The following SSH2 variants were observed in gnomAD, a reference collection of about 807,000 sequenced individuals.
SSH2 encodes protein phosphatase Slingshot homolog 2.
SSH2 carries 37 observed loss-of-function variants against 135.2 expected under a neutral mutation model. That is an observed-to-expected ratio of 0.27 (90% CI 0.21 to 0.36). The LOEUF (loss-of-function observed/expected upper bound fraction) is 0.36. SSH2 is among the 10% of genes least tolerant of loss of function. The pLI, the probability that SSH2 is intolerant of heterozygous loss-of-function variation, is 1.00. For missense variants in SSH2, 1,408 were observed against 1,765.3 expected (o/e 0.80, Z 3.63); for synonymous variants, 628 against 646.2 (o/e 0.97, Z 0.43).
chr17:29,897,647 A>G (rs1260381897), intron 1 of SSH2, among the ~76,000 whole-genome samples: 1 of 152,214 alleles, frequency 6.6e-6, no homozygotes, highest in Admixed American at 6.5e-5. Flanking sequence ...AGAGACCTAC[A>G]AAGAGACTTA....
In SSH2 at chr17:29,742,328, T is replaced by C. The variant is rs1369246816; in HGVS notation, c.189-39266A>G. Among the ~76,000 whole-genome samples the C allele has an allele frequency of 2.7e-5, 4 of 150,580 alleles. No individual in the cohort carries two copies. The East Asian group carries it at 5.8e-4, about 22-fold the overall frequency. The stretch of plus-strand genomic sequence containing the variant: ...CCCAGGGCAAGTTCTTCTTTTTTTT[T>C]TTTTTTTTGAGACAGGTTCTTGCTC... On this transcript the variant is annotated intron_variant, in intron 3 of 15. Transcript: ENST00000540801.
intron 3 of SSH2, among the ~76,000 whole-genome samples, chr17:29,704,259 G>A (rs912569890): frequency 1.3e-5 from 2 of 152,258 alleles, no homozygotes; most frequent in East Asian, 1.9e-4. Flanking sequence ...ACAGTAAAAT[G>A]TTACCTCAAA....
At chr17:29,709,633 C>T (rs572183040) in intron 3 of SSH2, among the ~76,000 whole-genome samples, 8 of 152,136 alleles carry the variant, frequency 5.3e-5, no homozygotes, top group East Asian at 1.9e-4. Context: ...GCTGAGATCA[C>T]GCCACTGCAC....
At chr17:29,798,262 G>A (rs1014474172) in intron 2 of SSH2, among the ~76,000 whole-genome samples, 1 of 151,460 alleles carries the variant, frequency 6.6e-6, no homozygotes, top group Non-Finnish European at 1.5e-5. Context: ...GGGTTCAAGC[G>A]ATTCTCCTGC....
intron 3 of SSH2, among the ~76,000 whole-genome samples, chr17:29,738,198 A>T (rs2040434551): frequency 6.6e-6 from 1 of 152,042 alleles, no homozygotes; most frequent in Non-Finnish European, 1.5e-5. Context: ...TGTCCTTGTG[A>T]TAGTTTGCTC....
chr17:29,761,835 A>G (rs2041317135), intron 3 of SSH2, among the ~76,000 whole-genome samples: 1 of 135,428 alleles, frequency 7.4e-6, no homozygotes, highest in Admixed American at 7.3e-5. Context: ...GATTACACTC[A>G]CATACATATG....
intron 1 of SSH2, among the ~76,000 whole-genome samples, chr17:29,922,119 A>G (rs1366833259): frequency 2.5e-4 from 38 of 152,126 alleles, no homozygotes; most frequent in Non-Finnish European, 7.4e-5. Flanking sequence ...GAGATGAGGG[A>G]AAAGTGTTCC....
intron 3 of SSH2, among the ~76,000 whole-genome samples, chr17:29,724,957 T>C (rs982700791): frequency 6.6e-6 from 1 of 151,982 alleles, no homozygotes; most frequent in Non-Finnish European, 1.5e-5. Flanking sequence ...TTTTCAAGAA[T>C]ACATCACAGA....
intron 3 of SSH2, among the ~76,000 whole-genome samples, chr17:29,779,095 T>C (rs749448730): frequency 6.6e-6 from 1 of 151,898 alleles, no homozygotes; most frequent in Non-Finnish European, 1.5e-5. Flanking sequence ...CTAATTTTTT[T>C]TCTAACGGAA....
chr17:29,926,387 A>T lies in SSH2; in HGVS notation c.63+3551T>A, dbSNP rs192327734. ...AACCCCATCTCTACAAAAAAAAAAA[A>T]AATACAAAATACAAAAATTAGCCAG... On this transcript the variant is annotated intron_variant, in intron 1 of 15. Transcript: ENST00000540801. Among the ~76,000 whole-genome samples the T allele has an allele frequency of 3.7e-3, 565 of 151,812 alleles. 12 individuals are homozygous for T. Among genetic ancestry groups the T allele is most frequent in the Admixed American group, 0.03 (464 of 15,222 alleles).
intron 2 of SSH2, among the ~76,000 whole-genome samples, chr17:29,814,268 T>C (rs973620372): frequency 9.1e-5 from 13 of 142,914 alleles, no homozygotes; most frequent in Non-Finnish European, 1.7e-4. Context: ...ACCCCGTCTC[T>C]ACTAAAAATA....
chr17:29,735,245 CCACTACTACCCCT>C (rs2040326528), intron 3 of SSH2, among the ~76,000 whole-genome samples: 1 of 152,146 alleles, frequency 6.6e-6, no homozygotes, highest in South Asian at 2.1e-4. Flanking sequence ...CATAGCCTCC[CCACTACTACCCCT>C]CACTTTTTAA....
In SSH2 at chr17:29,636,144, G is replaced by A; in HGVS notation, c.2086C>T (p.Arg696Ter). The change falls in exon 15 of 16, where the codon CGA becomes TGA. Residue 696 changes from arginine to a stop codon, truncating the protein, a stop_gained. Transcript: ENST00000540801. LOFTEE classifies it high-confidence loss of function. ...FVELSQETRS[R>*]SFSHSRMEEL... The stretch of plus-strand genomic sequence containing the variant: ...TCCATCCTTGAATGGGAAAAAGATC[G>A]TGACCGGGTTTCTTGGGAGAGCTCC... 1 of 1,614,132 alleles carries A rather than the reference G, an allele frequency of 6.2e-7. No individual in the cohort carries two copies. The highest frequency in any genetic ancestry group is 8.5e-7 in the Non-Finnish European group (1 of 1,180,022).
At position 29,899,164 on chromosome 17, in the gene SSH2, C is replaced by T. The variant is rs571825814; in HGVS notation, c.63+30774G>A. 1.7e-3 allele frequency among the ~76,000 whole-genome samples: 262 copies of T among 151,900 alleles called. 3 individuals are homozygous for T. The highest frequency in any genetic ancestry group is 6.1e-3 in the African/African-American group (253 of 41,460). On this transcript the variant is annotated intron_variant, in intron 1 of 15. Coordinates refer to ENST00000540801, the MANE Select transcript of SSH2 (RefSeq NM_001282129.2). ...AGAGCTATCTATGACAAACCCACAG[C>T]CAATATCATACTGAATGGGCAAAAA...
intron 1 of SSH2, among the ~76,000 whole-genome samples, chr17:29,904,300 A>G (rs1772277091): frequency 6.6e-6 from 1 of 152,194 alleles, no homozygotes; most frequent in Non-Finnish European, 1.5e-5. Context: ...AAGCTTATCC[A>G]CCACGATCAA....
chr17:29,773,332 C>G (rs2041628489), intron 3 of SSH2, among the ~76,000 whole-genome samples: 1 of 152,134 alleles, frequency 6.6e-6, no homozygotes, highest in African/African-American at 2.4e-5. Flanking sequence ...TGTCATTACA[C>G]AGTAGAATAG....
At chr17:29,798,302 G>A (rs1326482410) in intron 2 of SSH2, among the ~76,000 whole-genome samples, 1 of 151,948 alleles carries the variant, frequency 6.6e-6, no homozygotes, top group East Asian at 1.9e-4. Context: ...GAGATTACAG[G>A]CGTGTACCAC....
chr17:29,773,086 CCCAT>C (rs1194677155), intron 3 of SSH2, among the ~76,000 whole-genome samples: 1 of 151,672 alleles, frequency 6.6e-6, no homozygotes, highest in East Asian at 1.9e-4. Flanking sequence ...CCATCATCCA[CCCAT>C]CCATCCATCA....
intron 15 of SSH2, among the ~76,000 whole-genome samples, chr17:29,635,148 C>T (rs1333598609): frequency 3.3e-5 from 5 of 151,196 alleles, no homozygotes; most frequent in East Asian, 3.9e-4. Context: ...GTGATCCGCC[C>T]GCCTTGGCCT....
Sources: gnomAD v4.1 joint callset for allele counts (sites outside exome capture counted in the v4.1 genomes callset) on GRCh38, gnomAD v4.1.1 for gene constraint, MANE v1.5 for transcripts, NCBI Gene and HGNC (gene_info 2026-07-23, HGNC 2026-07-21) for gene names.